PDLIM5: variants seen among roughly 807,000 people sequenced by gnomAD.
The protein encoded by PDLIM5 is PDZ and LIM domain 5, also known as PDZ and LIM domain protein 5.
In PDLIM5, 34 loss-of-function variants were observed where a neutral mutation model predicts 64.2. The observed-to-expected ratio is 0.53, with a 90% confidence interval of 0.40 to 0.71. PDLIM5 has a LOEUF of 0.71. PDLIM5 is among the 30% of genes least tolerant of loss of function. PDLIM5 has a pLI of 0.00. For missense variants in PDLIM5, 683 were observed against 733.6 expected (o/e 0.93, Z 0.80); for synonymous variants, 253 against 269.1 (o/e 0.94, Z 0.59).
chr4:94,627,611 C>T (rs1245985329), intron 8 of PDLIM5, among the ~76,000 whole-genome samples: 1 of 152,174 alleles, frequency 6.6e-6, no homozygotes, highest in African/African-American at 2.4e-5. Context: ...AAAACAGCTA[C>T]GGTACGGTTG....
intron 2 of PDLIM5, among the ~76,000 whole-genome samples, chr4:94,467,911 A>G (rs892894762): frequency 6.6e-6 from 1 of 152,174 alleles, no homozygotes; most frequent in Non-Finnish European, 1.5e-5. Flanking sequence ...CCATTTCTTC[A>G]AATGTTTCTC....
intron 3 of PDLIM5, among the ~76,000 whole-genome samples, chr4:94,543,616 A>G (rs1732024578): frequency 6.6e-6 from 1 of 152,070 alleles, no homozygotes; most frequent in Non-Finnish European, 1.5e-5. Context: ...CCACCATTCT[A>G]TTCTGTGCCT....
intron 7 of PDLIM5, among the ~76,000 whole-genome samples, chr4:94,594,581 G>A (rs564330486): frequency 4.8e-4 from 73 of 151,982 alleles, no homozygotes; most frequent in African/African-American, 1.6e-3. Context: ...TTTATTTAGA[G>A]ATAATTATGT....
At chr4:94,502,081 C>A in intron 2 of PDLIM5, among the ~76,000 whole-genome samples, 1 of 151,894 alleles carries the variant, frequency 6.6e-6, no homozygotes, top group Non-Finnish European at 1.5e-5. Flanking sequence ...TATTCCTACT[C>A]TTCTTCTGCT....
intron 3 of PDLIM5, among the ~76,000 whole-genome samples, chr4:94,547,285 C>T (rs62315856): frequency 0.018 from 2,691 of 152,176 alleles, 36 homozygotes; most frequent in Non-Finnish European, 0.026. Context: ...ATTAACGGGT[C>T]GACCTTCCTT....
At chr4:94,574,111 T>TCC (rs1485430314) in intron 4 of PDLIM5, among the ~76,000 whole-genome samples, 3 of 152,196 alleles carry the variant, frequency 2.0e-5, no homozygotes, top group African/African-American at 7.2e-5. Context: ...ATGCTTCTGG[T>TCC]CCCAAGCTGT....
At chr4:94,512,671 CT>C (rs1728998000) in intron 2 of PDLIM5, among the ~76,000 whole-genome samples, 2 of 149,982 alleles carry the variant, frequency 1.3e-5, no homozygotes, top group Admixed American at 1.3e-4. Context: ...CAATTTTTTT[CT>C]CCTATTCTGT....
chr4:94,558,147 T>C (rs1255174542), intron 3 of PDLIM5, among the ~76,000 whole-genome samples: 2 of 152,246 alleles, frequency 1.3e-5, no homozygotes, highest in Admixed American at 1.3e-4. Context: ...AAGCCTTTTC[T>C]GCATCTGTTG....
chr4:94,500,468 T>A (rs1033448684), intron 2 of PDLIM5, among the ~76,000 whole-genome samples: 1 of 152,162 alleles, frequency 6.6e-6, no homozygotes, highest in African/African-American at 2.4e-5. Flanking sequence ...TTTATGTAAG[T>A]TATACAGGCA....
intron 7 of PDLIM5, chr4:94,587,080 T>C: frequency 6.2e-7 from 1 of 1,608,276 alleles, no homozygotes; most frequent in Non-Finnish European, 8.5e-7. Context: ...TAACGTACAG[T>C]GATTTATGAG....
chr4:94,542,410 G>A (rs1731901271), intron 3 of PDLIM5, among the ~76,000 whole-genome samples: 1 of 152,132 alleles, frequency 6.6e-6, no homozygotes, highest in Non-Finnish European at 1.5e-5. Context: ...CTTAAAGGGA[G>A]ATTACATTTA....
intron 5 of PDLIM5, among the ~76,000 whole-genome samples, chr4:94,576,248 T>C (rs1698411537): frequency 6.6e-6 from 1 of 151,414 alleles, no homozygotes; most frequent in African/African-American, 2.4e-5. Context: ...CATTTTGACA[T>C]GTTCTGAACC....
chr4:94,588,189 A>G (rs1372488878), intron 7 of PDLIM5: 6 of 966,350 alleles, frequency 6.2e-6, no homozygotes, highest in Non-Finnish European at 7.4e-6. Flanking sequence ...TTATTACAGT[A>G]TAACTGGGTA....
chr4:94,531,618 G>A (rs1730875731), intron 3 of PDLIM5, among the ~76,000 whole-genome samples: 1 of 152,140 alleles, frequency 6.6e-6, no homozygotes, highest in Non-Finnish European at 1.5e-5. Context: ...TGCAGCCTGT[G>A]GGCCGTGGGT....
chr4:94,474,409 CCTGA>C (rs1334231474), intron 2 of PDLIM5, among the ~76,000 whole-genome samples: 1 of 152,068 alleles, frequency 6.6e-6, no homozygotes, highest in African/African-American at 2.4e-5. Flanking sequence ...CGCCACCACG[CCTGA>C]CTAATTTTTG....
intron 2 of PDLIM5, among the ~76,000 whole-genome samples, chr4:94,475,933 C>T (rs950869615): frequency 2.0e-5 from 3 of 152,150 alleles, no homozygotes; most frequent in African/African-American, 7.2e-5. Context: ...GGCAAATCAC[C>T]TCCCAGTTCA....
At chr4:94,610,023 C>T in intron 7 of PDLIM5, 1 of 565,458 alleles carries the variant, frequency 1.8e-6, no homozygotes, top group Non-Finnish European at 3.1e-6. Context: ...GGCCTGAACT[C>T]CTATTACACT....
chr4:94,456,317 G>C (rs1028947269), intron 2 of PDLIM5: 9 of 538,070 alleles, frequency 1.7e-5, no homozygotes, highest in Non-Finnish European at 2.6e-5. Context: ...TCCTGCCTCA[G>C]CCTCCCGAGT....
rs1433127074 is a variant in PDLIM5 at position 94,575,708 on chromosome 4, AC to A, written c.386del (p.Pro129HisfsTer66). 1 of 1,614,030 alleles carries A rather than the reference AC, an allele frequency of 6.2e-7. No individual in the cohort carries two copies. ...CAAACAACATGGCCTACAATAAGGC[AC>A]CACGGCCTTTTGGTTCTGTGTCTTC... Reference protein sequence around the residue: ...STNNMAYNKAPRPFGSVSSPK... With the variant: ...STNNMAYNKAXRPFGSVSSPK... On this transcript the variant is annotated frameshift_variant, in exon 5 of 13. Transcript: ENST00000317968. LOFTEE classifies it high-confidence loss of function.
Sources: gnomAD v4.1 joint callset for allele counts (sites outside exome capture counted in the v4.1 genomes callset) on GRCh38, gnomAD v4.1.1 for gene constraint, MANE v1.5 for transcripts, NCBI Gene and HGNC (gene_info 2026-07-23, HGNC 2026-07-21) for gene names.